The following CLOCK variants were observed in gnomAD, a reference collection of about 807,000 sequenced individuals.
The protein encoded by CLOCK is clock circadian regulator.
CLOCK carries 43 observed loss-of-function variants against 118.4 expected under a neutral mutation model. That is an observed-to-expected ratio of 0.36 (90% CI 0.28 to 0.47). The LOEUF (loss-of-function observed/expected upper bound fraction) is 0.47, where lower values mean the gene tolerates loss of function less well. Ranked by LOEUF, CLOCK falls within the 20% of genes least tolerant of loss-of-function variation. CLOCK has a pLI of 1.00. For synonymous variants in CLOCK, 326 were observed against 339.2 expected (o/e 0.96, Z 0.43); for missense variants, 846 against 999.9 (o/e 0.85, Z 2.08).
intron 9 of CLOCK, among the ~76,000 whole-genome samples, chr4:55,459,582 T>A (rs2109803957): frequency 6.6e-6 from 1 of 152,304 alleles, no homozygotes; most frequent in Non-Finnish European, 1.5e-5. Context: ...ATCTCTACCA[T>A]TTATAGTCTT....
At chr4:55,453,973 T>C (rs1032525189) in intron 13 of CLOCK, 149 bp from the exon 14 acceptor site, 6 of 650,252 alleles carry the variant, frequency 9.2e-6, no homozygotes, top group South Asian at 2.2e-5. Flanking sequence ...GAAAATGTTA[T>C]TCTTTAGAGC....
chr4:55,532,894 T>C (rs774160586), intron 1 of CLOCK, among the ~76,000 whole-genome samples: 27 of 152,002 alleles, frequency 1.8e-4, no homozygotes, highest in Non-Finnish European at 3.8e-4. Context: ...ATAAAAATAC[T>C]AGGAATAAAC....
At chr4:55,526,994 A>T (rs375080648) in intron 1 of CLOCK, among the ~76,000 whole-genome samples, 64 of 140,358 alleles carry the variant, frequency 4.6e-4, no homozygotes, top group African/African-American at 1.6e-3. Flanking sequence ...GGCAACAATT[A>T]AAAAAAAAAA....
intron 2 of CLOCK, among the ~76,000 whole-genome samples, chr4:55,491,234 TAAAAAAAAAAAAA>T (rs34441416): frequency 2.3e-5 from 1 of 44,342 alleles, no homozygotes; most frequent in Non-Finnish European, 4.1e-5. Context: ...GCAGGTGTGC[TAAAAAAAAAAAAA>T]AAAAAAAAAA....
At chr4:55,489,747 T>C (rs967080889) in intron 2 of CLOCK, among the ~76,000 whole-genome samples, 3 of 152,040 alleles carry the variant, frequency 2.0e-5, no homozygotes, top group Non-Finnish European at 2.9e-5. Context: ...AAGGATAACA[T>C]TGTGACATCA....
At chr4:55,535,854 T>C (rs905141254) in intron 1 of CLOCK, among the ~76,000 whole-genome samples, 1 of 151,956 alleles carries the variant, frequency 6.6e-6, no homozygotes, top group African/African-American at 2.4e-5. Flanking sequence ...GAGAATATTT[T>C]AAAGGTATTT....
chr4:55,478,720 A>G, intron 6 of CLOCK, 95 bp downstream of exon 6: 1 of 1,245,056 alleles, frequency 8.0e-7, no homozygotes, highest in Non-Finnish European at 1.2e-6. Context: ...CTCTCTCTTA[A>G]AAAAGCCAAG....
rs188718037 is a variant in CLOCK, at chr4:55,470,618, G to C, written c.438+99C>G. The stretch of plus-strand genomic sequence containing the variant: ...GAGCTCTGATTCCTACCCCTTTAAC[G>C]ACTGTTGTACACTGCTCTCAAAGTC... On this transcript the variant is annotated intron_variant, in intron 8 of 22. Transcript: ENST00000513440. The C allele has an allele frequency of 3.7e-6, 3 of 800,886 alleles. No homozygotes were observed. In the East Asian group the frequency reaches 7.5e-5, roughly 20 times the overall value. 49.6% of individuals were successfully genotyped at this position (800,886 alleles called of 1,614,324 possible). A position where few individuals can be genotyped will look rare whatever the true frequency, so the allele number is the denominator to read the frequency against.
intron 1 of CLOCK, among the ~76,000 whole-genome samples, chr4:55,514,488 A>G (rs1237940640): frequency 6.9e-6 from 1 of 145,098 alleles, no homozygotes; most frequent in Non-Finnish European, 1.5e-5. Flanking sequence ...ATCTAATTTT[A>G]GAACATTTTT....
chr4:55,441,341 AAGT>A (rs952802229), intron 21 of CLOCK, among the ~76,000 whole-genome samples: 1 of 152,184 alleles, frequency 6.6e-6, no homozygotes, highest in African/African-American at 2.4e-5. Flanking sequence ...AAAGAACTAA[AAGT>A]AGATCTACCA....
chr4:55,489,314 C>CT (rs1349312135), intron 3 of CLOCK, 60 bp downstream of exon 3: 2 of 152,090 alleles, frequency 1.3e-5, no homozygotes, highest in African/African-American at 4.8e-5. Flanking sequence ...TTGATGAATT[C>CT]TTTTATTTTT....
chr4:55,504,096 A>T (rs192868453), intron 2 of CLOCK, among the ~76,000 whole-genome samples: 2 of 151,030 alleles, frequency 1.3e-5, no homozygotes, highest in Non-Finnish European at 3.0e-5. Context: ...CATCCTGGCT[A>T]ACACAGTGAA....
rs750886447 is a variant in CLOCK, at chr4:55,478,809, A to G, written c.256+6T>C. 6.2e-7 allele frequency: 1 copy of G among 1,611,896 alleles called. No individual in the cohort carries two copies. Among genetic ancestry groups the G allele is most frequent in the South Asian group, 1.1e-5 (1 of 90,964 alleles). On this transcript the variant is annotated splice_donor_region_variant and intron_variant, in intron 6 of 22. Transcript: ENST00000513440. ...TCTGTTCCATTTTACAGAGTTAAAA[A>G]TTTACCTTTATGTTTTCGTAAAAAA...
intron 14 of CLOCK, 133 bp downstream of exon 14, chr4:55,453,544 T>C (rs1560426199): frequency 3.2e-6 from 2 of 627,740 alleles, no homozygotes; most frequent in African/African-American, 3.7e-5. Context: ...TTTAATAATA[T>C]ATTGAAAGGA....
intron 11 of CLOCK, among the ~76,000 whole-genome samples, chr4:55,456,876 G>A (rs1724957392): frequency 6.6e-6 from 1 of 152,016 alleles, no homozygotes; most frequent in South Asian, 2.1e-4. Context: ...GAGGTGGGGG[G>A]TCTATGTTGT....
intron 11 of CLOCK, among the ~76,000 whole-genome samples, chr4:55,458,586 A>G (rs1725083073): frequency 6.6e-6 from 1 of 152,218 alleles, no homozygotes. Context: ...TAAAGATTCC[A>G]AAAACCTAGA....
At chr4:55,439,338 C>G (rs1723156862) in intron 21 of CLOCK, among the ~76,000 whole-genome samples, 1 of 152,118 alleles carries the variant, frequency 6.6e-6, no homozygotes, top group East Asian at 1.9e-4. Context: ...ATCAGGATGG[C>G]TATTATAAAA....
At chr4:55,511,767 C>T (rs932977561) in intron 1 of CLOCK, among the ~76,000 whole-genome samples, 7 of 152,118 alleles carry the variant, frequency 4.6e-5, no homozygotes, top group African/African-American at 1.7e-4. Flanking sequence ...ATATGCATCC[C>T]TCCCCTCACT....
At chr4:55,462,362 T>C (rs987923370) in intron 9 of CLOCK, among the ~76,000 whole-genome samples, 4 of 152,140 alleles carry the variant, frequency 2.6e-5, no homozygotes, top group African/African-American at 9.7e-5. Context: ...TCTTGACTCA[T>C]TGCAAACTCA....
Sources: allele counts gnomAD v4.1 joint callset (sites outside exome capture counted in the v4.1 genomes callset), GRCh38; gene constraint gnomAD v4.1.1; transcripts MANE v1.5; gene names NCBI Gene and HGNC (gene_info 2026-07-23, HGNC 2026-07-21).